Variants in TTN observed in about 807,000 individuals in gnomAD.
The protein encoded by TTN is titin.
A neutral mutation model predicts 3,223.0 loss-of-function variants in TTN; 1,525 were observed. The observed-to-expected ratio is 0.47, with a 90% CI of 0.45 to 0.49. The LOEUF is 0.49. Among genes scored for constraint, TTN ranks in the 20% least tolerant of loss-of-function variants. The pLI, the probability that TTN is intolerant of heterozygous loss-of-function variation, is 0.00. For synonymous variants in TTN, 14,094 were observed against 15,161.0 expected, an observed-to-expected ratio of 0.93 and a Z score of 5.17; for missense variants, 40,786 against 43,424.0, an observed-to-expected ratio of 0.94 and a Z score of 5.40.
chr2:178,559,518 C>T lies in TTN; in HGVS notation c.86614G>A (p.Asp28872Asn), dbSNP rs1337280647. 1.9e-6 allele frequency: 3 copies of T among 1,613,652 alleles called. No homozygotes were observed. The highest frequency in any genetic ancestry group is 2.5e-6 in the Non-Finnish European group (3 of 1,179,744). Residue 28872 changes from aspartate (D) to asparagine (N), a missense_variant, in exon 326 of 363, where the codon GAT becomes AAT. Physicochemically the swap from Asp to Asn is conservative, Grantham distance 23. Transcript: ENST00000589042. ...TAATTCTTCACTGGTGCTCCACCAT[C>T]GTTTTCAGGAACATCCCAGGATAAC... ...AVLSWDVPEN[D>N]GGAPVKNYHI...
chr2:178,718,216 G>C lies in TTN; in HGVS notation c.24790C>G (p.Pro8264Ala). ...CEALVSVLEP[P>A]YFIEPLEHVE... ...TGTTCCAGAGGTTCAATAAAGTACG[G>C]TGGTTCTATGGTACAAAGGATGGTA... is the stretch of plus-strand genomic sequence containing the variant. The change falls in exon 86 of 363, where the codon CCG (proline) becomes GCG (alanine). Residue 8264 changes from proline to alanine, a missense_variant. By Grantham distance (27) the Pro-to-Ala change is conservative (BLOSUM62 -1). Coordinates refer to ENST00000589042, the MANE Select transcript of TTN (RefSeq NM_001267550.2). 6.3e-7 allele frequency: 1 copy of C among 1,598,560 alleles called. No individual in the cohort carries two copies.
Position 178,636,212 on chromosome 2 carries a change from C to G in TTN, c.41359G>C (p.Glu13787Gln). Residue 13787 changes from glutamate to glutamine, a missense_variant, in exon 226 of 363, where the codon GAA becomes CAA. Transcript: ENST00000589042. This position sits in a 1 kb window ranked among gnomAD's most constrained non-coding sequence, Gnocchi z 4.3. ...ELPVRFVKTLEEEVTVVKGQP... is the reference protein window; with the variant it reads ...ELPVRFVKTLQEEVTVVKGQP... ...CCTTTGACCACTGTGACTTCCTCTT[C>G]CAGTGTTTTTACAAAACGCACAGGA... The G allele has an allele frequency of 6.3e-7, 1 of 1,593,738 alleles. No individual in the cohort carries two copies. Among genetic ancestry groups the G allele is most frequent in the South Asian group, 1.1e-5 (1 of 88,096 alleles).
At chr2:178,646,068 T>C (rs767245205) in intron 216 of TTN, 38 bp from the exon 217 acceptor site, 18 of 990,950 alleles carry the variant, frequency 1.8e-5, no homozygotes, top group Non-Finnish European at 2.5e-5. Context: ...TATATGTATA[T>C]GTTAGCATGT....
intron 332 of TTN, 81 bp from the exon 333 acceptor site, chr2:178,554,297 A>G (rs1216986689): frequency 2.7e-6 from 4 of 1,461,330 alleles, no homozygotes; most frequent in Non-Finnish European, 3.7e-6. Flanking sequence ...CATTCTTTCC[A>G]AGAACATTGG....
chr2:178,699,911 T>G (rs892816284), intron 111 of TTN, among the ~76,000 whole-genome samples: 3 of 149,438 alleles, frequency 2.0e-5, no homozygotes, highest in Non-Finnish European at 3.0e-5. Flanking sequence ...GTATTTTTAG[T>G]AGAGACGCGG....
At position 178,565,893 on chromosome 2, in the gene TTN, G is replaced by T. The variant is rs779100100; in HGVS notation, c.80239C>A (p.Leu26747Ile). 1.2e-6 allele frequency: 2 copies of T among 1,613,596 alleles called. No homozygotes were observed. Among genetic ancestry groups the T allele is most frequent in the East Asian group, 2.2e-5 (1 of 44,844 alleles). The change falls in exon 326 of 363, where the codon CTT becomes ATT. Residue 26747 changes from leucine (L) to isoleucine (I), a missense_variant. Coordinates refer to ENST00000589042, the MANE Select transcript of TTN (RefSeq NM_001267550.2). ...AAGTAATAAATGGCTCCTTCTGTAA[G>T]GTTTTCCACTTTAAAACTTGTTTTG... The part of the protein sequence containing the change: ...CSKTSFKVEN[L>I]TEGAIYYFRV...
At position 178,776,065 on chromosome 2, in the gene TTN, T is replaced by C. The variant is rs1193394666; in HGVS notation, c.5799A>G (p.Glu1933=). The C allele has an allele frequency of 2.5e-6, 4 of 1,614,182 alleles. No homozygotes were observed. Among genetic ancestry groups the C allele is most frequent in the Non-Finnish European group, 2.5e-6 (3 of 1,180,010 alleles). ...HKVKLEIQQR[E]DFRSVLRRAP... ...CTCTCCTAAGGACAGACCTAAAATCTTCCCTCTGTTGAATCTCAAGCTTCA... is the reference window on the plus strand; with the variant it reads ...CTCTCCTAAGGACAGACCTAAAATCCTCCCTCTGTTGAATCTCAAGCTTCA... Residue 1933 remains glutamate, a synonymous_variant, in exon 28 of 363, where the codon GAA becomes GAG. Coordinates refer to ENST00000589042, the MANE Select transcript of TTN (RefSeq NM_001267550.2).
Position 178,741,685 on chromosome 2 carries a change from T to C in TTN, c.11548A>G (p.Lys3850Glu). 1 of 1,613,780 alleles carries C rather than the reference T, an allele frequency of 6.2e-7. No homozygotes were observed. Among genetic ancestry groups the C allele is most frequent in the Non-Finnish European group, 8.5e-7 (1 of 1,179,762 alleles). Residue 3850 changes from lysine to glutamate, a missense_variant, in exon 48 of 363, where the codon AAA becomes GAA. Lys to Glu is a moderately conservative substitution (Grantham distance 56). Coordinates refer to ENST00000589042, the MANE Select transcript of TTN (RefSeq NM_001267550.2). ...SVTVIGIPKP[K>E]IQWFFNGVLL... ...ACTCCATTAAAGAACCACTGAATTT[T>C]AGGTTTGGGGATGCCAATGACAGTT...
intron 219 of TTN, among the ~76,000 whole-genome samples, chr2:178,642,003 A>G (rs1238952128): frequency 3.3e-5 from 5 of 151,760 alleles, no homozygotes; most frequent in Non-Finnish European, 7.4e-5. Flanking sequence ...AGTTATGTCT[A>G]TTAACATTTT....
chr2:178,673,625 T>C lies in TTN; in HGVS notation c.34786+8A>G, dbSNP rs775606653. Reference sequence around the variant, plus strand: ...GTTAAAGATATTAATAATGAGGATTTGATATACCTTTAGCTGGTGGTGCCT... The same window carrying C: ...GTTAAAGATATTAATAATGAGGATTCGATATACCTTTAGCTGGTGGTGCCT... On this transcript the variant is annotated splice_region_variant and intron_variant, in intron 152 of 362. Coordinates refer to ENST00000589042, the MANE Select transcript of TTN (RefSeq NM_001267550.2). 6.1e-5 allele frequency: 96 copies of C among 1,567,944 alleles called. No individual in the cohort carries two copies. The highest frequency in any genetic ancestry group is 7.8e-5 in the Non-Finnish European group (91 of 1,162,974).
In TTN at chr2:178,589,157, A is replaced by G. The variant is rs757964723; in HGVS notation, c.62568T>C (p.Tyr20856=). The change falls in exon 304 of 363, where the codon TAT becomes TAC. Residue 20856 remains tyrosine, a synonymous_variant. Coordinates refer to ENST00000589042, the MANE Select transcript of TTN (RefSeq NM_001267550.2). ...ATNTAGSFVA[Y]ATVNVLDKPG... ...GCTTATCTAAAACATTGACAGTGGC[A>G]TAGGCCACAAAACTGCCAGCCGTGT... The G allele has an allele frequency of 2.5e-6, 4 of 1,613,440 alleles. No individual in the cohort carries two copies. Among genetic ancestry groups the G allele is most frequent in the South Asian group, 2.2e-5 (2 of 91,076 alleles).
intron 281 of TTN, 27 bp from the exon 282 acceptor site, chr2:178,604,332 T>C (rs1172525038): frequency 7.0e-7 from 1 of 1,425,722 alleles, no homozygotes; most frequent in Admixed American, 2.6e-5. Context: ...CAGAAATTTA[T>C]TGAAGAGAAT....
Position 178,621,496 on chromosome 2 carries a change from C to T in TTN, c.45328G>A (p.Asp15110Asn), listed in dbSNP as rs17354992. The change falls in exon 245 of 363, where the codon GAT becomes AAT. Residue 15110 changes from aspartate (D) to asparagine (N), a missense_variant. Coordinates refer to ENST00000589042, the MANE Select transcript of TTN (RefSeq NM_001267550.2). ...YNCRLPSSRT[D>N]GKVKVHELAA... ...ATACCATGTACTTTGACTTTGCCAT[C>T]GGTTCGAGAGCTTGGGAGTCGACAG... The T allele has an allele frequency of 7.5e-3, 12,137 of 1,612,268 alleles. 83 individuals are homozygous for T. Among genetic ancestry groups the T allele is most frequent in the South Asian group, 8.3e-3 (758 of 91,018 alleles).
In TTN at chr2:178,588,703, T is replaced by A; in HGVS notation, c.63022A>T (p.Thr21008Ser). The change falls in exon 304 of 363, where the codon ACA becomes TCA. Residue 21008 changes from threonine to serine, a missense_variant. By Grantham distance (58) the Thr-to-Ser change is moderately conservative. Coordinates refer to ENST00000589042, the MANE Select transcript of TTN (RefSeq NM_001267550.2). The stretch of plus-strand genomic sequence containing the variant: ...CTCTTGTTGACAGGGACCCATCGTG[T>A]TGAATGCTTTTCCTTTTTCTCCAAA... ...YFLEKKEKHS[T>S]RWVPVNKSAI... 1 of 1,613,244 alleles carries A rather than the reference T, an allele frequency of 6.2e-7. No homozygotes were observed. Among genetic ancestry groups the A allele is most frequent in the East Asian group, 2.2e-5 (1 of 44,750 alleles).
intron 127 of TTN, among the ~76,000 whole-genome samples, 181 bp from the exon 128 acceptor site, chr2:178,685,779 G>A (rs1157596790): frequency 1.3e-5 from 2 of 152,106 alleles, no homozygotes; most frequent in African/African-American, 2.4e-5. Context: ...CGTTAATGAA[G>A]AGTATGGGAA....
intron 350 of TTN, among the ~76,000 whole-genome samples, chr2:178,540,867 A>AT (rs1694117513): frequency 6.6e-6 from 1 of 152,074 alleles, no homozygotes; most frequent in Non-Finnish European, 1.5e-5. Flanking sequence ...AATACTTAAC[A>AT]TTTTTTCACT....
rs1227589199 is a variant in TTN at position 178,605,083 on chromosome 2, T to C, written c.54094A>G (p.Ile18032Val). 1.2e-6 allele frequency: 2 copies of C among 1,612,832 alleles called. No individual in the cohort carries two copies. Among genetic ancestry groups the C allele is most frequent in the Admixed American group, 3.3e-5 (2 of 59,954 alleles). ...SRSEAKTELS[I>V]PKAVREDKGT... ...TTGTCCTCCCGGACCGCTTTGGGAA[T>C]GCTAAGCTCAGTTTTTGCCTCACTT... The change falls in exon 280 of 363, where the codon ATT (isoleucine) becomes GTT (valine). Residue 18032 changes from isoleucine to valine, a missense_variant. Coordinates refer to ENST00000589042, the MANE Select transcript of TTN (RefSeq NM_001267550.2).
rs75257026 is a variant in TTN at position 178,605,473 on chromosome 2, T to A, written c.53822A>T (p.Asn17941Ile). Reference sequence around the variant, plus strand: ...GGATGGTTCACTTTCACCAATTTCATTGACAGCTTTGACACGGAACTCATA... The same window carrying A: ...GGATGGTTCACTTTCACCAATTTCAATGACAGCTTTGACACGGAACTCATA... ...QMYEFRVKAV[N>I]EIGESEPSLP... Residue 17941 changes from asparagine (N) to isoleucine (I), a missense_variant, in exon 279 of 363, where the codon AAT (asparagine) becomes ATT (isoleucine). Physicochemically the swap from Asn to Ile is moderately radical, Grantham distance 149 (BLOSUM62 -3). Coordinates refer to ENST00000589042, the MANE Select transcript of TTN (RefSeq NM_001267550.2). 1 of 1,611,930 alleles carries A rather than the reference T, an allele frequency of 6.2e-7. No homozygotes were observed.
intron 6 of TTN, among the ~76,000 whole-genome samples, chr2:178,796,826 A>G (rs1400951955): frequency 6.6e-6 from 1 of 152,176 alleles, no homozygotes; most frequent in Non-Finnish European, 1.5e-5. Flanking sequence ...TCATTATAGG[A>G]GAGTGCTTAT....
Sources: gnomAD v4.1 joint callset for allele counts (sites outside exome capture counted in the v4.1 genomes callset) on GRCh38, gnomAD v4.1.1 for gene constraint, Gnocchi (gnomAD v3.1) non-coding constraint, MANE v1.5 for transcripts, NCBI Gene and HGNC (gene_info 2026-07-23, HGNC 2026-07-21) for gene names.